PALLD: variants seen among roughly 807,000 people sequenced by gnomAD.
PALLD encodes the protein palladin, cytoskeletal associated protein, also known as palladin.
Under a neutral mutation model 123.5 loss-of-function variants are expected in PALLD, and 61 were observed. The observed-to-expected ratio is 0.49, with a 90% CI of 0.40 to 0.61. The LOEUF (loss-of-function observed/expected upper bound fraction) is 0.61, where lower values mean the gene tolerates loss of function less well. Ranked by LOEUF, PALLD falls within the 20% of genes least tolerant of loss-of-function variation. The pLI is 0.00. For missense variants in PALLD, 1,273 were observed against 1,377.0 expected, an observed-to-expected ratio of 0.92 and a Z score of 1.20; for synonymous variants, 465 against 496.4, an observed-to-expected ratio of 0.94 and a Z score of 0.84.
At chr4:168,910,206 T>C (rs1287291496) in intron 15 of PALLD, among the ~76,000 whole-genome samples, 1 of 149,220 alleles carries the variant, frequency 6.7e-6, no homozygotes, top group African/African-American at 2.5e-5. Flanking sequence ...CAGAGTAGTA[T>C]GCCAACCTGT....
chr4:168,652,875 A>G (rs1216763590), intron 2 of PALLD, among the ~76,000 whole-genome samples: 1 of 152,214 alleles, frequency 6.6e-6, no homozygotes, highest in Non-Finnish European at 1.5e-5. Context: ...TCTTAATTAA[A>G]TTAGCCTAAT....
intron 2 of PALLD, among the ~76,000 whole-genome samples, chr4:168,610,328 A>G: frequency 6.6e-6 from 1 of 152,144 alleles, no homozygotes; most frequent in South Asian, 2.1e-4. Flanking sequence ...CAGGGCCTCC[A>G]TCGGTCCCCT....
chr4:168,553,888 C>T (rs1435685876), intron 2 of PALLD, among the ~76,000 whole-genome samples: 4 of 152,126 alleles, frequency 2.6e-5, no homozygotes, highest in Non-Finnish European at 4.4e-5. Flanking sequence ...AGGGTAGGGG[C>T]ATCATGTTAT....
chr4:168,744,828 C>A (rs1016864763), intron 10 of PALLD, among the ~76,000 whole-genome samples: 1 of 152,130 alleles, frequency 6.6e-6, no homozygotes, highest in African/African-American at 2.4e-5. Context: ...ATAAAGTATG[C>A]TTTGTGTTGG....
intron 21 of PALLD, among the ~76,000 whole-genome samples, chr4:168,925,861 C>CTATAAT (rs1172514367): frequency 6.6e-6 from 1 of 151,910 alleles, no homozygotes; most frequent in East Asian, 1.9e-4. Flanking sequence ...TTCCTAAGTG[C>CTATAAT]TATAATTATT....
At chr4:168,823,030 G>T (rs778502030) in intron 10 of PALLD, among the ~76,000 whole-genome samples, 1 of 151,882 alleles carries the variant, frequency 6.6e-6, no homozygotes, top group Non-Finnish European at 1.5e-5. Flanking sequence ...TTGTGGGTCC[G>T]TTTCTCCATT....
chr4:168,733,618 G>A, intron 10 of PALLD, among the ~76,000 whole-genome samples: 1 of 151,942 alleles, frequency 6.6e-6, no homozygotes. Context: ...GGTGGGTAGA[G>A]ACAGGGTTTT....
At chr4:168,772,894 A>G (rs966617550) in intron 10 of PALLD, among the ~76,000 whole-genome samples, 2 of 152,188 alleles carry the variant, frequency 1.3e-5, no homozygotes, top group African/African-American at 4.8e-5. Flanking sequence ...AGAGGGAAAG[A>G]GGGAAGGATG....
At chr4:168,519,518 G>T (rs1224546913) in intron 2 of PALLD, among the ~76,000 whole-genome samples, 7 of 151,194 alleles carry the variant, frequency 4.6e-5, no homozygotes, top group East Asian at 1.9e-4. Flanking sequence ...TTTTTAAAAT[G>T]TTTTTTTTTG....
At position 168,928,149 on chromosome 4, in the gene PALLD, T is replaced by C. The variant is rs928311367; in HGVS notation, c.*1969T>C. 7.4e-5 allele frequency: 14 copies of C among 190,284 alleles called. No homozygotes were observed. The highest frequency in any genetic ancestry group is 3.1e-4 in the Admixed American group (5 of 16,274). The allele number at this position is 190,284 out of a possible 1,614,324, so 11.8% of individuals were successfully genotyped here. ...GTTCAAGTTTCTTTGACCGCACTTA[T>C]ATGCATTGCTAATATGGAATTTAAG... On this transcript the variant is annotated 3_prime_UTR_variant, in exon 22 of 22. Transcript: ENST00000505667.
intron 2 of PALLD, among the ~76,000 whole-genome samples, chr4:168,626,628 T>C (rs764781963): frequency 2.7e-5 from 4 of 150,102 alleles, no homozygotes; most frequent in Non-Finnish European, 5.9e-5. Context: ...GGAGGATCAC[T>C]GGAGCCCTGG....
At chr4:168,662,261 T>A (rs1176875924) in intron 2 of PALLD, among the ~76,000 whole-genome samples, 2 of 152,188 alleles carry the variant, frequency 1.3e-5, no homozygotes, top group Non-Finnish European at 2.9e-5. Flanking sequence ...TTGAGTGGAT[T>A]CTCTCTTAGC....
intron 2 of PALLD, among the ~76,000 whole-genome samples, chr4:168,661,520 T>C (rs1779135395): frequency 6.6e-6 from 1 of 152,278 alleles, no homozygotes; most frequent in African/African-American, 2.4e-5. Context: ...ACGCTGTTTA[T>C]GGTCTTGAAA....
At chr4:168,788,044 T>C (rs1246793328) in intron 10 of PALLD, among the ~76,000 whole-genome samples, 1 of 152,258 alleles carries the variant, frequency 6.6e-6, no homozygotes, top group Non-Finnish European at 1.5e-5. Flanking sequence ...CTTTGTTACG[T>C]AGTCAAGTTC....
At chr4:168,891,159 C>G in intron 11 of PALLD, 102 bp downstream of exon 11, 1 of 1,136,796 alleles carries the variant, frequency 8.8e-7, no homozygotes, top group Non-Finnish European at 1.3e-6. Flanking sequence ...ACAACATCAT[C>G]ATTATTATTA....
chr4:168,788,266 A>G (rs888650779), intron 10 of PALLD, among the ~76,000 whole-genome samples: 3 of 151,186 alleles, frequency 2.0e-5, no homozygotes, highest in Non-Finnish European at 4.4e-5. Flanking sequence ...TGTGTAGAAA[A>G]GGAAAATACA....
chr4:168,839,844 C>G (rs1745783634), intron 10 of PALLD, among the ~76,000 whole-genome samples: 1 of 151,996 alleles, frequency 6.6e-6, no homozygotes, highest in Non-Finnish European at 1.5e-5. Flanking sequence ...GAGTTTGCCC[C>G]CAAAGAGAGC....
intron 10 of PALLD, among the ~76,000 whole-genome samples, chr4:168,714,336 T>C (rs1387303349): frequency 1.3e-5 from 2 of 152,220 alleles, no homozygotes; most frequent in Non-Finnish European, 2.9e-5. Flanking sequence ...TTCAAAGTGC[T>C]CTTTGCTTCC....
intron 10 of PALLD, among the ~76,000 whole-genome samples, chr4:168,787,240 A>T (rs1019814127): frequency 6.6e-6 from 1 of 152,340 alleles, no homozygotes; most frequent in Non-Finnish European, 1.5e-5. Flanking sequence ...TCAGCCAGGT[A>T]ATCAGGAATC....
Sources: gnomAD v4.1 joint callset for allele counts (sites outside exome capture counted in the v4.1 genomes callset) on GRCh38, gnomAD v4.1.1 for gene constraint, MANE v1.5 for transcripts, NCBI Gene and HGNC (gene_info 2026-07-23, HGNC 2026-07-21) for gene names.